RPS6KC1: variants seen among roughly 807,000 people sequenced by gnomAD.
RPS6KC1 encodes the protein ribosomal protein S6 kinase C1, also known as inactive ribosomal protein S6 kinase delta-1.
In RPS6KC1, 54 loss-of-function variants were observed where a neutral mutation model predicts 103.8. That is an observed-to-expected ratio of 0.52 (90% confidence interval 0.42 to 0.65). The LOEUF (loss-of-function observed/expected upper bound fraction) is 0.65. RPS6KC1 is among the 30% of genes least tolerant of loss of function. RPS6KC1 has a pLI of 0.00. For missense variants in RPS6KC1, 1,151 were observed against 1,253.8 expected (o/e 0.92, Z 1.24); for synonymous variants, 439 against 438.7 (o/e 1.00, Z -0.01).
the RPS6KC1 span, among the ~76,000 whole-genome samples, chr1:213,582,912 G>A: frequency 2.0e-5 from 3 of 152,110 alleles, no homozygotes; most frequent in Non-Finnish European, 4.4e-5. Context: ...CCCCCTAGCA[G>A]TCAGTTCCCC....
the RPS6KC1 span, among the ~76,000 whole-genome samples, chr1:213,385,641 TG>T: frequency 6.6e-6 from 1 of 152,346 alleles, no homozygotes; most frequent in Admixed American, 6.5e-5. Context: ...TATGGACCTA[TG>T]TACTGACTTG....
At chr1:213,759,617 T>G in the RPS6KC1 span, among the ~76,000 whole-genome samples, 1 of 151,358 alleles carries the variant, frequency 6.6e-6, no homozygotes, top group Non-Finnish European at 1.5e-5. Context: ...GTCTGGTAAG[T>G]GCACATCACC....
At chr1:213,444,119 T>A in the RPS6KC1 span, among the ~76,000 whole-genome samples, 1 of 152,176 alleles carries the variant, frequency 6.6e-6, no homozygotes, top group Non-Finnish European at 1.5e-5. Flanking sequence ...GCTGGCAATC[T>A]TTAGCATTCC....
At chr1:213,363,706 C>G in the RPS6KC1 span, among the ~76,000 whole-genome samples, 2 of 101,696 alleles carry the variant, frequency 2.0e-5, no homozygotes, top group African/African-American at 1.0e-4. Context: ...TTCTTTCCTT[C>G]TTTCTTTCTT....
At chr1:213,574,396 G>A in the RPS6KC1 span, among the ~76,000 whole-genome samples, 1 of 152,136 alleles carries the variant, frequency 6.6e-6, no homozygotes, top group Non-Finnish European at 1.5e-5. Context: ...TTTAAAAGAA[G>A]CAAAGATACA....
the RPS6KC1 span, among the ~76,000 whole-genome samples, chr1:213,811,507 G>T: frequency 6.6e-6 from 1 of 152,212 alleles, no homozygotes; most frequent in Admixed American, 6.5e-5. Context: ...ATGTGGCAAA[G>T]ATCTTAGAAA....
the RPS6KC1 span, among the ~76,000 whole-genome samples, chr1:213,393,959 G>A: frequency 6.6e-6 from 1 of 152,156 alleles, no homozygotes; most frequent in Admixed American, 6.5e-5. Context: ...GCGAGGGCAT[G>A]TGATTTAGAG....
At chr1:213,608,894 T>TTGACTATTTGATGTA in the RPS6KC1 span, among the ~76,000 whole-genome samples, 1 of 152,256 alleles carries the variant, frequency 6.6e-6, no homozygotes, top group Non-Finnish European at 1.5e-5. Context: ...GATGTACCAT[T>TTGACTATTTGATGTA]CATTTGACTA....
the RPS6KC1 span, among the ~76,000 whole-genome samples, chr1:213,502,034 G>T: frequency 6.6e-6 from 1 of 152,002 alleles, no homozygotes; most frequent in Non-Finnish European, 1.5e-5. Flanking sequence ...GTACCTCTAG[G>T]CTCATCTTCA....
chr1:213,067,147 G>A (rs1207151300), intron 1 of RPS6KC1, among the ~76,000 whole-genome samples: 1 of 152,100 alleles, frequency 6.6e-6, no homozygotes, highest in African/African-American at 2.4e-5. Context: ...CATGTCTTAT[G>A]TCTCCCTAAA....
intron 8 of RPS6KC1, among the ~76,000 whole-genome samples, chr1:213,189,778 C>G (rs2092683461): frequency 6.6e-6 from 1 of 152,088 alleles, no homozygotes; most frequent in Non-Finnish European, 1.5e-5. Flanking sequence ...ATTGTCCCTT[C>G]CCACTTCCCC....
chr1:213,613,537 C>T, the RPS6KC1 span, among the ~76,000 whole-genome samples: 2 of 152,204 alleles, frequency 1.3e-5, no homozygotes, highest in African/African-American at 2.4e-5. Flanking sequence ...AAAACACTAT[C>T]ACTGGCATTA....
At chr1:213,333,884 GT>G in the RPS6KC1 span, among the ~76,000 whole-genome samples, 2 of 152,138 alleles carry the variant, frequency 1.3e-5, no homozygotes, top group African/African-American at 4.8e-5. Flanking sequence ...CTTTCACAAT[GT>G]TGGCCAGGCT....
chr1:213,683,601 A>G, the RPS6KC1 span, among the ~76,000 whole-genome samples: 2 of 152,164 alleles, frequency 1.3e-5, no homozygotes, highest in Non-Finnish European at 2.9e-5. Flanking sequence ...AGGGCCCAAC[A>G]AACTGGTTAG....
rs186879990 is a variant in RPS6KC1 at position 213,225,689 on chromosome 1, G to A, written c.1045-4808G>A. Among the ~76,000 whole-genome samples, 7 of 152,192 alleles carry A rather than the reference G, an allele frequency of 4.6e-5. No homozygotes were observed. In the East Asian group the frequency reaches 5.8e-4, roughly 13 times the overall value. On this transcript the variant is annotated intron_variant, in intron 8 of 14. Coordinates refer to ENST00000366960, the MANE Select transcript of RPS6KC1 (RefSeq NM_012424.6). ...CAGGTGTGAGCCACTGCGCCCAGCC[G>A]GTTTGGCCTTTTTATCTGATCTGCT...
At chr1:213,854,538 T>TTCTA in the RPS6KC1 span, among the ~76,000 whole-genome samples, 1 of 102,948 alleles carries the variant, frequency 9.7e-6, no homozygotes, top group Non-Finnish European at 1.9e-5. Flanking sequence ...CTTTCTTTCT[T>TTCTA]TCTTTCTTTC....
At chr1:213,764,254 G>C in the RPS6KC1 span, among the ~76,000 whole-genome samples, 1 of 152,162 alleles carries the variant, frequency 6.6e-6, no homozygotes, top group Non-Finnish European at 1.5e-5. Flanking sequence ...CAGGGGAAAG[G>C]GATCTTTCTT....
the RPS6KC1 span, among the ~76,000 whole-genome samples, chr1:213,728,937 GTTTTTTTTTTGTTT>G: frequency 0.045 from 4,176 of 93,516 alleles, 380 homozygotes; most frequent in African/African-American, 0.18. Context: ...GAACATGAGG[GTTTTTTTTTTGTTT>G]TTTTTTTTTT....
At chr1:213,675,890 T>A in the RPS6KC1 span, among the ~76,000 whole-genome samples, 27 of 112,420 alleles carry the variant, frequency 2.4e-4, no homozygotes, top group African/African-American at 6.5e-4. Flanking sequence ...GAATTTTTTT[T>A]AAAAAAGTAT....
Sources: gnomAD v4.1 joint callset for allele counts (sites outside exome capture counted in the v4.1 genomes callset) on GRCh38, gnomAD v4.1.1 for gene constraint, MANE v1.5 for transcripts, NCBI Gene and HGNC (gene_info 2026-07-23, HGNC 2026-07-21) for gene names.